Variants in RBFOX1 observed in about 807,000 individuals in gnomAD.
RBFOX1 encodes RNA binding fox-1 homolog 1.
RBFOX1 carries 8 observed loss-of-function variants against 57.7 expected under a neutral mutation model. The ratio of observed to expected loss-of-function variants is 0.14; its 90% confidence interval spans 0.08 to 0.25. The LOEUF (loss-of-function observed/expected upper bound fraction) is 0.25, where lower values mean the gene tolerates loss of function less well. Ranked by LOEUF, RBFOX1 falls within the 10% of genes least tolerant of loss-of-function variation. The probability of loss-of-function intolerance (pLI) is 1.00; values close to 1 mark genes in which losing one functional copy is unlikely to be tolerated. For synonymous variants in RBFOX1, 326 were observed against 222.4 expected, an observed-to-expected ratio of 1.47 and a Z score of -4.15; for missense variants, 611 against 548.5, an observed-to-expected ratio of 1.11 and a Z score of -1.14.
chr16:7,618,632 GTTC>G (rs2058838010), intron 10 of RBFOX1, among the ~76,000 whole-genome samples: 1 of 151,702 alleles, frequency 6.6e-6, no homozygotes, highest in African/African-American at 2.4e-5. Flanking sequence ...AAAATTTATT[GTTC>G]TTATTTCCCC....
chr16:5,873,562 G>A (rs17714435), intron 4 of RBFOX1, among the ~76,000 whole-genome samples: 20,037 of 152,240 alleles, frequency 0.13, 1,708 homozygotes, highest in Non-Finnish European at 0.18. Context: ...TTTCTTGAAC[G>A]TTTAAGTGAC....
chr16:6,267,722 G>A (rs912742296), intron 1 of RBFOX1, among the ~76,000 whole-genome samples: 23 of 152,050 alleles, frequency 1.5e-4, no homozygotes, highest in Non-Finnish European at 4.4e-5. Flanking sequence ...TTTTTCCCAT[G>A]AAAGAGTCAA....
Position 5,724,309 on chromosome 16 carries a change from G to A in RBFOX1, c.318+125348G>A, listed in dbSNP as rs1446443952. 8.5e-5 allele frequency among the ~76,000 whole-genome samples: 13 copies of A among 152,260 alleles called. No homozygotes were observed. The East Asian group carries it at 9.7e-4, about 11-fold the overall frequency. On this transcript the variant is annotated intron_variant, in intron 3 of 19. Coordinates refer to the RBFOX1 transcript ENST00000641259. ...GGGCCCTTGCGCACCCTAAAGGCAC[G>A]GTGGGATTGTCCTAAGCTGCTTTCA...
At chr16:5,438,633 C>T (rs2067989225) in intron 1 of RBFOX1, among the ~76,000 whole-genome samples, 1 of 152,176 alleles carries the variant, frequency 6.6e-6, no homozygotes, top group African/African-American at 2.4e-5. Context: ...CTCTGCTGGC[C>T]CATGGAAGTA....
At chr16:7,058,408 A>G (rs1377184520) in intron 4 of RBFOX1, among the ~76,000 whole-genome samples, 1 of 152,208 alleles carries the variant, frequency 6.6e-6, no homozygotes, top group Admixed American at 6.5e-5. Flanking sequence ...CATTGTTTGC[A>G]AAATACACTA....
At chr16:5,824,121 C>G (rs936882085) in intron 3 of RBFOX1, among the ~76,000 whole-genome samples, 1 of 152,172 alleles carries the variant, frequency 6.6e-6, no homozygotes, top group Non-Finnish European at 1.5e-5. Flanking sequence ...GGCCTGGGAG[C>G]TAGAAGAAGT....
At chr16:6,930,769 C>G (rs912895240) in intron 3 of RBFOX1, among the ~76,000 whole-genome samples, 2 of 152,148 alleles carry the variant, frequency 1.3e-5, no homozygotes, top group Admixed American at 1.3e-4. Context: ...GCCACTTGAT[C>G]CTCCCTCAGA....
chr16:6,169,752 C>T (rs1002815022), intron 1 of RBFOX1, among the ~76,000 whole-genome samples: 1 of 152,136 alleles, frequency 6.6e-6, no homozygotes, highest in Non-Finnish European at 1.5e-5. Context: ...CAGGCACATG[C>T]TCCTAAGTTA....
At position 5,274,812 on chromosome 16, in the gene RBFOX1, C is replaced by T. The variant is rs528820599; in HGVS notation, c.219+34707C>T. Among the ~76,000 whole-genome samples the T allele has an allele frequency of 1.2e-4, 19 of 152,328 alleles. No individual in the cohort carries two copies. The East Asian group carries it at 3.7e-3, about 29-fold the overall frequency. On this transcript the variant is annotated intron_variant, in intron 1 of 2. Transcript: ENST00000585867. ...CTGTCTCTGGCAGAGCCAGCCAGGT[C>T]TCCTTACCCTCTGTTTCCCTTTCTG...
chr16:6,866,720 T>A (rs1158685604), intron 3 of RBFOX1, among the ~76,000 whole-genome samples: 1 of 151,692 alleles, frequency 6.6e-6, no homozygotes, highest in East Asian at 1.9e-4. Context: ...TTTTTTGTAT[T>A]TTTAGTAGAG....
intron 3 of RBFOX1, among the ~76,000 whole-genome samples, chr16:6,930,434 C>G (rs150299161): frequency 4.9e-4 from 74 of 152,216 alleles, no homozygotes; most frequent in African/African-American, 1.7e-3. Context: ...TGTTGAGAAA[C>G]AGTCTCACTC....
intron 2 of RBFOX1, among the ~76,000 whole-genome samples, chr16:6,595,987 T>C (rs2097773166): frequency 6.7e-6 from 1 of 150,166 alleles, no homozygotes; most frequent in East Asian, 2.3e-4. Flanking sequence ...ACTTTTTATT[T>C]TTAAGTTGTA....
intron 4 of RBFOX1, among the ~76,000 whole-genome samples, chr16:7,057,817 A>C (rs1332995734): frequency 6.6e-6 from 1 of 152,054 alleles, no homozygotes; most frequent in East Asian, 1.9e-4. Context: ...AGACTAGCCT[A>C]GCCAACATGG....
chr16:7,441,371 T>G (rs980169293), intron 4 of RBFOX1, among the ~76,000 whole-genome samples: 1 of 152,166 alleles, frequency 6.6e-6, no homozygotes, highest in Non-Finnish European at 1.5e-5. Context: ...AAAGTTTATT[T>G]TCAAAGGATT....
rs143031377 is a variant in RBFOX1, at chr16:6,100,613, C to T, written c.-127+80621C>T. Among the ~76,000 whole-genome samples, 665 of 152,216 alleles carry T rather than the reference C, an allele frequency of 4.4e-3. 6 individuals are homozygous for T. Among genetic ancestry groups the T allele is most frequent in the Non-Finnish European group, 8.0e-3 (541 of 68,006 alleles). On this transcript the variant is annotated intron_variant, in intron 1 of 15. Transcript: ENST00000550418. Reference sequence around the variant, plus strand: ...ATTCTCTTTTTTTGTCACATAATAACGAATATTTATTGAGTTGCTATAGTA... The same window carrying T: ...ATTCTCTTTTTTTGTCACATAATAATGAATATTTATTGAGTTGCTATAGTA...
intron 2 of RBFOX1, among the ~76,000 whole-genome samples, chr16:6,354,231 A>G (rs2152853026): frequency 6.6e-6 from 1 of 151,338 alleles, no homozygotes; most frequent in African/African-American, 2.4e-5. Context: ...ACACACAGAC[A>G]CACACACACA....
chr16:6,605,873 G>A (rs2097918390), intron 2 of RBFOX1, among the ~76,000 whole-genome samples: 2 of 152,282 alleles, frequency 1.3e-5, no homozygotes, highest in South Asian at 2.1e-4. Context: ...TCTGAGGCGG[G>A]TGGATCACTT....
chr16:5,981,552 T>C (rs1489890509), intron 4 of RBFOX1, among the ~76,000 whole-genome samples: 2 of 152,274 alleles, frequency 1.3e-5, no homozygotes, highest in Non-Finnish European at 2.9e-5. Context: ...CACTGCAGCC[T>C]CCGCCTCCCA....
chr16:7,709,346 A>T, intron 15 of RBFOX1: 1 of 990,360 alleles, frequency 1.0e-6, no homozygotes, highest in Non-Finnish European at 1.4e-6. Flanking sequence ...TTATATTTCT[A>T]ATTTTGCAAG....
Sources: allele counts gnomAD v4.1 joint callset (sites outside exome capture counted in the v4.1 genomes callset), GRCh38; gene constraint gnomAD v4.1.1; transcripts MANE v1.5; gene names NCBI Gene and HGNC (gene_info 2026-07-23, HGNC 2026-07-21).